The following PCDHGA3 variants were observed in gnomAD, a reference collection of about 807,000 sequenced individuals.
The protein encoded by PCDHGA3 is protocadherin gamma-A3.
PCDHGA3 carries 40 observed loss-of-function variants against 58.5 expected under a neutral mutation model. The ratio of observed to expected loss-of-function variants is 0.68; its 90% CI spans 0.53 to 0.89. PCDHGA3 has a LOEUF of 0.89. Among genes scored for constraint, PCDHGA3 ranks in the 40% least tolerant of loss-of-function variants. The pLI is 0.00. For missense variants in PCDHGA3, 1,223 were observed against 1,195.9 expected (o/e 1.02, Z -0.33); for synonymous variants, 530 against 525.7 (o/e 1.01, Z -0.11).
At chr5:141,474,658 A>G (rs950490550) in intron 1 of PCDHGA3, among the ~76,000 whole-genome samples, 13 of 152,176 alleles carry the variant, frequency 8.5e-5, no homozygotes, top group African/African-American at 3.1e-4. Flanking sequence ...CTTCTTTTCT[A>G]CCTACCTAAC....
rs1387919696 is a variant in PCDHGA3 at position 141,384,415 on chromosome 5, TCC to T, written c.2424+37959_2424+37960del. On this transcript the variant is annotated intron_variant, in intron 1 of 3. Coordinates refer to ENST00000253812, the MANE Select transcript of PCDHGA3 (RefSeq NM_018916.4). ...GGGGGCTCCAGTGTCCTCCTATGTC[TCC>T]ATAAACTCTGACACTGGAGTCCTGT... is the stretch of plus-strand genomic sequence containing the variant. The T allele has an allele frequency of 2.5e-6, 4 of 1,613,776 alleles. No homozygotes were observed. In the East Asian group the frequency reaches 8.9e-5, roughly 36 times the overall value.
chr5:141,450,569 T>G (rs1325535745), intron 1 of PCDHGA3, among the ~76,000 whole-genome samples: 1 of 149,800 alleles, frequency 6.7e-6, no homozygotes, highest in African/African-American at 2.5e-5. Flanking sequence ...TCACTGCAAC[T>G]TCTGCCTCCC....
Position 141,491,574 on chromosome 5 carries a change from T to G in PCDHGA3, c.2425-3233T>G. Reference sequence around the variant, plus strand: ...AGAGCCACTGCTACAGGACGTGCTTTTCACCGGCCTCGGACGGCAGTGACT... The same window carrying G: ...AGAGCCACTGCTACAGGACGTGCTTGTCACCGGCCTCGGACGGCAGTGACT... On this transcript the variant is annotated intron_variant, in intron 1 of 3. Transcript: ENST00000253812. This position sits in a 1 kb window ranked among gnomAD's most constrained non-coding sequence, Gnocchi z 6.9. The G allele has an allele frequency of 6.2e-7, 1 of 1,613,956 alleles. No homozygotes were observed. Among genetic ancestry groups the G allele is most frequent in the Non-Finnish European group, 8.5e-7 (1 of 1,180,032 alleles).
chr5:141,499,104 C>A (rs2099789508), intron 2 of PCDHGA3, among the ~76,000 whole-genome samples: 1 of 152,120 alleles, frequency 6.6e-6, no homozygotes, highest in African/African-American at 2.4e-5. Flanking sequence ...CTTCTCCTCC[C>A]CACCACTATC....
Position 141,432,433 on chromosome 5 carries a change from T to C in PCDHGA3, c.2425-62374T>C, listed in dbSNP as rs760107558. 10 of 1,613,996 alleles carry C rather than the reference T, an allele frequency of 6.2e-6. No individual in the cohort carries two copies. The South Asian group carries it at 8.8e-5, about 14-fold the overall frequency. ...TGTTCGTGCTGGACCAGAACGACAA[T>C]GCGCCCGAGATCCTGTACCCCGCCC... On this transcript the variant is annotated intron_variant, in intron 1 of 3. Transcript: ENST00000253812. This position sits in a 1 kb window ranked among gnomAD's most constrained non-coding sequence, Gnocchi z 6.0.
intron 1 of PCDHGA3, chr5:141,373,808 A>C (rs1769864521): frequency 5.8e-6 from 2 of 342,678 alleles, no homozygotes; most frequent in South Asian, 1.1e-4. Flanking sequence ...TCTGTGTGAT[A>C]GTTTCACAAA....
chr5:141,484,763 T>C (rs2099600495), intron 1 of PCDHGA3, among the ~76,000 whole-genome samples: 1 of 151,872 alleles, frequency 6.6e-6, no homozygotes, highest in East Asian at 1.9e-4. Flanking sequence ...TATATATATA[T>C]ATGTTGTCTG....
At position 141,490,597 on chromosome 5, in the gene PCDHGA3, C is replaced by G. The variant is rs781077720; in HGVS notation, c.2425-4210C>G. 1 of 1,614,182 alleles carries G rather than the reference C, an allele frequency of 6.2e-7. No homozygotes were observed. On this transcript the variant is annotated intron_variant, in intron 1 of 3. Transcript: ENST00000253812. This position sits in a 1 kb window ranked among gnomAD's most constrained non-coding sequence, Gnocchi z 5.4. ...TTCAGATGTCAATGACAATGCACCC[C>G]GCTTCAACCAGCAGCTTTACACTGC...
chr5:141,375,217 G>A (rs758328831), intron 1 of PCDHGA3: 2 of 1,613,968 alleles, frequency 1.2e-6, no homozygotes, highest in South Asian at 2.2e-5. Context: ...ACTCTGGCCT[G>A]AATGGCCTGG....
intron 1 of PCDHGA3, among the ~76,000 whole-genome samples, chr5:141,456,276 C>T (rs1319517390): frequency 1.3e-5 from 2 of 152,146 alleles, no homozygotes; most frequent in South Asian, 4.1e-4. Flanking sequence ...CTACTTCCTG[C>T]TGAAAAGGGG....
At chr5:141,377,766 G>A (rs950570647) in intron 1 of PCDHGA3, 4 of 152,130 alleles carry the variant, frequency 2.6e-5, no homozygotes, top group African/African-American at 9.7e-5. Flanking sequence ...CCAGATCTTT[G>A]GTGTTAAAAG....
At chr5:141,421,977 G>A in intron 1 of PCDHGA3, 1 of 1,609,542 alleles carries the variant, frequency 6.2e-7, no homozygotes, top group Admixed American at 1.7e-5. Context: ...TATATCGCGT[G>A]AGTGTTCCAG....
chr5:141,426,676 A>T (rs1209949988), intron 1 of PCDHGA3: 4 of 431,700 alleles, frequency 9.3e-6, no homozygotes, highest in Non-Finnish European at 1.9e-5. Context: ...AACCCACCTC[A>T]TTTTCCCCAA....
chr5:141,490,143 A>G lies in PCDHGA3; in HGVS notation c.2425-4664A>G. On this transcript the variant is annotated intron_variant, in intron 1 of 3. Transcript: ENST00000253812. The surrounding 1 kb of genome is among the most constrained non-coding windows in gnomAD (Gnocchi z 5.4). ...TTGGCCTAGACCCTAGCAGTGGGGC[A>G]ATCCATGTGTTGGGTCCCATAGACT... is the stretch of plus-strand genomic sequence containing the variant. 1 of 1,614,234 alleles carries G rather than the reference A, an allele frequency of 6.2e-7. No homozygotes were observed. The highest frequency in any genetic ancestry group is 8.5e-7 in the Non-Finnish European group (1 of 1,180,034).
At chr5:141,450,829 A>ATTAT (rs1554136902) in intron 1 of PCDHGA3, among the ~76,000 whole-genome samples, 14 of 135,142 alleles carry the variant, frequency 1.0e-4, no homozygotes, top group African/African-American at 3.3e-4. Context: ...TATTATTATT[A>ATTAT]TTTTTTTTTT....
rs1562052190 is a variant in PCDHGA3, at chr5:141,476,218, CTA to C, written c.2425-18587_2425-18586del. The C allele has an allele frequency of 6.2e-7, 1 of 1,613,984 alleles. No individual in the cohort carries two copies. The highest frequency in any genetic ancestry group is 8.5e-7 in the Non-Finnish European group (1 of 1,180,024). ...TGAACAAGGCTTCCACGGTCATTCA[CTA>C]TGAGATCCCGGAGGAAAGAGAGAAG... On this transcript the variant is annotated intron_variant, in intron 1 of 3. Coordinates refer to ENST00000253812, the MANE Select transcript of PCDHGA3 (RefSeq NM_018916.4). This position sits in a 1 kb window ranked among gnomAD's most constrained non-coding sequence, Gnocchi z 7.6.
At position 141,350,960 on chromosome 5, in the gene PCDHGA3, G is replaced by A. The variant is rs749442250; in HGVS notation, c.2424+4503G>A. The A allele has an allele frequency of 3.0e-5, 49 of 1,613,968 alleles. 1 individual carries two copies. Among genetic ancestry groups the A allele is most frequent in the Non-Finnish European group, 3.5e-5 (41 of 1,179,920 alleles). ...CTGGATCCGAGTTACGGATGCCAAT[G>A]ATAATGCTCCCGTGTTTAGCCAGGA... On this transcript the variant is annotated intron_variant, in intron 1 of 3. Coordinates refer to ENST00000253812, the MANE Select transcript of PCDHGA3 (RefSeq NM_018916.4).
At chr5:141,455,842 C>T (rs1224197325) in intron 1 of PCDHGA3, among the ~76,000 whole-genome samples, 1 of 150,876 alleles carries the variant, frequency 6.6e-6, no homozygotes, top group Non-Finnish European at 1.5e-5. Context: ...TGTCTATCTG[C>T]ATAAAATAAT....
chr5:141,404,075 G>C (rs2154534954), intron 1 of PCDHGA3: 2 of 1,613,660 alleles, frequency 1.2e-6, no homozygotes, highest in East Asian at 2.2e-5. Flanking sequence ...TCATGACCGA[G>C]ACTCCGGGAA....
Sources: gnomAD v4.1 joint callset for allele counts (sites outside exome capture counted in the v4.1 genomes callset) on GRCh38, gnomAD v4.1.1 for gene constraint, Gnocchi (gnomAD v3.1) non-coding constraint, MANE v1.5 for transcripts, NCBI Gene and HGNC (gene_info 2026-07-23, HGNC 2026-07-21) for gene names.